Variants in UTRN observed in about 807,000 individuals in gnomAD.
The protein encoded by UTRN is dystrophin-related protein 1.
Under a neutral mutation model 463.9 loss-of-function variants are expected in UTRN, and 283 were observed. That is an observed-to-expected ratio of 0.61 (90% CI 0.55 to 0.67). The LOEUF (loss-of-function observed/expected upper bound fraction) is 0.67. Ranked by LOEUF, UTRN falls within the 30% of genes least tolerant of loss-of-function variation. The pLI is 0.00. For synonymous variants in UTRN, 1,442 were observed against 1,431.5 expected, an observed-to-expected ratio of 1.01 and a Z score of -0.17; for missense variants, 3,922 against 4,084.3, an observed-to-expected ratio of 0.96 and a Z score of 1.08.
intron 41 of UTRN, among the ~76,000 whole-genome samples, chr6:144,527,040 T>A (rs1796630511): frequency 6.6e-6 from 1 of 152,090 alleles, no homozygotes; most frequent in Non-Finnish European, 1.5e-5. Flanking sequence ...CCTCAGGTGA[T>A]CCACCTGCCT....
chr6:144,320,073 T>G (rs1266627037), intron 2 of UTRN, among the ~76,000 whole-genome samples: 1 of 150,530 alleles, frequency 6.6e-6, no homozygotes, highest in Non-Finnish European at 1.5e-5. Context: ...AGGCTTGCCT[T>G]GAACTCCTGA....
chr6:144,310,076 A>G (rs1806108548), intron 2 of UTRN, among the ~76,000 whole-genome samples: 1 of 152,170 alleles, frequency 6.6e-6, no homozygotes, highest in South Asian at 2.1e-4. Context: ...GTCTTTTTCC[A>G]CTAGAATGCA....
intron 2 of UTRN, among the ~76,000 whole-genome samples, chr6:144,383,618 G>T (rs1781132105): frequency 6.6e-6 from 1 of 152,116 alleles, no homozygotes; most frequent in Non-Finnish European, 1.5e-5. Flanking sequence ...CCTCTGGGCG[G>T]AATTGAGCCA....
rs758863521 is a variant in UTRN at position 144,423,540 on chromosome 6, A to G, written c.235-9A>G. On this transcript the variant is annotated splice_polypyrimidine_tract_variant and intron_variant, in intron 4 of 74. Transcript: ENST00000367545. ...TCAGTTTTACTTGCTTTTTTGTTTT[A>G]TTTTCCAGCCAAAGGAACGTGGTTC... The G allele has an allele frequency of 1.9e-5, 31 of 1,613,752 alleles. No individual in the cohort carries two copies. The highest frequency in any genetic ancestry group is 2.6e-5 in the Non-Finnish European group (31 of 1,179,924).
At chr6:144,810,783 A>T (rs1388575021) in intron 65 of UTRN, among the ~76,000 whole-genome samples, 1 of 152,184 alleles carries the variant, frequency 6.6e-6, no homozygotes, top group African/African-American at 2.4e-5. Context: ...GTCATAGTTT[A>T]GTTGCTGAGC....
intron 2 of UTRN, among the ~76,000 whole-genome samples, chr6:144,301,456 C>CTCAGAGAG (rs1197421085): frequency 6.6e-6 from 1 of 151,160 alleles, no homozygotes; most frequent in African/African-American, 2.4e-5. Context: ...AGGCAGATTG[C>CTCAGAGAG]TCAGAGAGGG....
At chr6:144,454,321 T>C (rs1788610558) in intron 19 of UTRN, among the ~76,000 whole-genome samples, 1 of 152,182 alleles carries the variant, frequency 6.6e-6, no homozygotes, top group South Asian at 2.1e-4. Context: ...AGTATTTTTA[T>C]AGTTAAGTTT....
chr6:144,668,547 TC>T (rs1407062269), intron 51 of UTRN, among the ~76,000 whole-genome samples: 1 of 152,194 alleles, frequency 6.6e-6, no homozygotes. Flanking sequence ...AATGTATTTC[TC>T]TCAGATCTGG....
rs776225064 is a variant in UTRN at position 144,794,006 on chromosome 6, T to G, written c.9078+15T>G. On this transcript the variant is annotated intron_variant, in intron 63 of 74. Coordinates refer to ENST00000367545, the MANE Select transcript of UTRN (RefSeq NM_007124.3). ...GCTTCCAACAGGTAAGCATGAAGGATCACTGGTGTGTAGGATGTGTTGGCG... is the reference window on the plus strand; with the variant it reads ...GCTTCCAACAGGTAAGCATGAAGGAGCACTGGTGTGTAGGATGTGTTGGCG... 2 of 1,613,004 alleles carry G rather than the reference T, an allele frequency of 1.2e-6. No individual in the cohort carries two copies. Among genetic ancestry groups the G allele is most frequent in the Non-Finnish European group, 1.7e-6 (2 of 1,179,592 alleles).
chr6:144,360,316 G>T (rs1341016665), intron 2 of UTRN, among the ~76,000 whole-genome samples: 1 of 151,856 alleles, frequency 6.6e-6, no homozygotes, highest in Non-Finnish European at 1.5e-5. Flanking sequence ...GGGATTACAG[G>T]TGCCTGCCAC....
intron 61 of UTRN, among the ~76,000 whole-genome samples, chr6:144,784,832 C>T (rs1463244583): frequency 2.0e-5 from 3 of 152,174 alleles, no homozygotes; most frequent in Non-Finnish European, 4.4e-5. Context: ...TGAAATTTCT[C>T]ATTTTTCATT....
At chr6:144,770,188 T>C (rs1793851030) in intron 58 of UTRN, among the ~76,000 whole-genome samples, 1 of 152,212 alleles carries the variant, frequency 6.6e-6, no homozygotes, top group Admixed American at 6.5e-5. Flanking sequence ...TACATTATTT[T>C]GTTTGAGATC....
At position 144,575,761 on chromosome 6, in the gene UTRN, G is replaced by A. The variant is rs184397637; in HGVS notation, c.7290-1338G>A. Among the ~76,000 whole-genome samples the A allele has an allele frequency of 7.6e-4, 115 of 152,232 alleles. 2 individuals are homozygous for A. In the Middle Eastern group the frequency reaches 0.02, roughly 27 times the overall value. ...AGACATTCACTGGGGATGTTGAAATGTATCCCCTACAGATCAGGAGGGACT... is the reference window on the plus strand; with the variant it reads ...AGACATTCACTGGGGATGTTGAAATATATCCCCTACAGATCAGGAGGGACT... On this transcript the variant is annotated intron_variant, in intron 50 of 74. Coordinates refer to ENST00000367545, the MANE Select transcript of UTRN (RefSeq NM_007124.3).
intron 37 of UTRN, 117 bp downstream of exon 37, chr6:144,514,937 C>G: frequency 1.8e-6 from 2 of 1,129,514 alleles, no homozygotes; most frequent in Non-Finnish European, 1.2e-6. Flanking sequence ...ATTGTTTTCT[C>G]TCTCTGTCAC....
chr6:144,470,358 C>T (rs1016251804), intron 23 of UTRN, among the ~76,000 whole-genome samples: 22 of 150,456 alleles, frequency 1.5e-4, no homozygotes, highest in East Asian at 5.9e-4. Context: ...GGGTGGCTGC[C>T]GGGCGGAGGG....
intron 58 of UTRN, among the ~76,000 whole-genome samples, chr6:144,770,341 A>G (rs1051428490): frequency 6.6e-6 from 1 of 152,206 alleles, no homozygotes; most frequent in Non-Finnish European, 1.5e-5. Flanking sequence ...CAGTGATGAT[A>G]TTCTTTTCCC....
chr6:144,550,435 A>G (rs1798801073), intron 47 of UTRN, among the ~76,000 whole-genome samples: 2 of 152,296 alleles, frequency 1.3e-5, no homozygotes, highest in East Asian at 1.9e-4. Flanking sequence ...CATTTCTCCC[A>G]TATTTATTAG....
chr6:144,623,220 G>A (rs1198603198), intron 51 of UTRN, among the ~76,000 whole-genome samples: 1 of 151,402 alleles, frequency 6.6e-6, no homozygotes, highest in African/African-American at 2.4e-5. Context: ...TCTGTAATAT[G>A]AGAAAGGTCG....
chr6:144,834,788 C>T (rs184178708), intron 69 of UTRN, among the ~76,000 whole-genome samples: 3 of 152,266 alleles, frequency 2.0e-5, no homozygotes, highest in Non-Finnish European at 2.9e-5. Context: ...CAGCCCCCAT[C>T]GCTTACACAG....
Sources: allele counts gnomAD v4.1 joint callset (sites outside exome capture counted in the v4.1 genomes callset), GRCh38; gene constraint gnomAD v4.1.1; transcripts MANE v1.5; gene names NCBI Gene and HGNC (gene_info 2026-07-23, HGNC 2026-07-21).